Variants in EIF4H observed in about 807,000 individuals in gnomAD.
EIF4H encodes the protein eukaryotic translation initiation factor 4H, also known as Williams-Beuren syndrome chromosome region 1.
In EIF4H, 8 loss-of-function variants were observed where a neutral mutation model predicts 30.6. The ratio of observed to expected loss-of-function variants is 0.26; its 90% CI spans 0.15 to 0.47. The LOEUF (loss-of-function observed/expected upper bound fraction) is 0.47. Ranked by LOEUF, EIF4H falls within the 20% of genes least tolerant of loss-of-function variation. EIF4H has a pLI of 0.99. For missense variants in EIF4H, 188 were observed against 339.5 expected (o/e 0.55, Z 3.51); for synonymous variants, 106 against 122.7 (o/e 0.86, Z 0.90).
At chr7:74,174,843 C>T (rs782409098) in intron 1 of EIF4H, among the ~76,000 whole-genome samples, 1 of 152,260 alleles carries the variant, frequency 6.6e-6, no homozygotes, top group Admixed American at 6.5e-5. Flanking sequence ...GTCCCGGCCT[C>T]TTTCGCGGCC....
At chr7:74,174,886 C>T (rs1286196417) in intron 1 of EIF4H, among the ~76,000 whole-genome samples, 1 of 152,264 alleles carries the variant, frequency 6.6e-6, no homozygotes, top group East Asian at 1.9e-4. Context: ...AGGCCCCTGG[C>T]CCCTTCGCCA....
rs782408433 is a variant in EIF4H, at chr7:74,187,686, C to T, written c.135C>T (p.Tyr45=). The change falls in exon 2 of 7, where the codon TAC becomes TAT. Residue 45 remains tyrosine (Y), a synonymous_variant. Transcript: ENST00000265753. ...CCACAGAGCCCCCCTACACAGCATA[C>T]GTAGGAAATCTACCTTTCAATACGG... ...ELPTEPPYTA[Y]VGNLPFNTVQ... 47 of 1,613,590 alleles carry T rather than the reference C, an allele frequency of 2.9e-5. No individual in the cohort carries two copies. In the Admixed American group the frequency reaches 4.3e-4, roughly 15 times the overall value.
rs1800786962 is a variant in EIF4H at position 74,174,405 on chromosome 7, G to A, written c.22G>A (p.Asp8Asn). ...GCAAATGGCGGACTTCGACACCTACGACGATCGGGCCTACAGCAGCTTCGG... is the reference window on the plus strand; with the variant it reads ...GCAAATGGCGGACTTCGACACCTACAACGATCGGGCCTACAGCAGCTTCGG... MADFDTY[D>N]DRAYSSFGGG... The change falls in exon 1 of 7, where the codon GAC (aspartate) becomes AAC (asparagine). Residue 8 changes from aspartate (D) to asparagine (N), a missense_variant. Asp to Asn is a conservative substitution (Grantham distance 23, BLOSUM62 1). This residue lies in a region of EIF4H where 43 missense variants were observed against 43.4 expected (regional missense o/e 0.99). Coordinates refer to ENST00000265753, the MANE Select transcript of EIF4H (RefSeq NM_022170.2). 7 of 1,462,604 alleles carry A rather than the reference G, an allele frequency of 4.8e-6. No homozygotes were observed. Among genetic ancestry groups the A allele is most frequent in the South Asian group, 1.4e-5 (1 of 73,790 alleles). 90.6% of individuals were successfully genotyped at this position (1,462,604 alleles called of 1,614,324 possible). A position where few individuals can be genotyped will look rare whatever the true frequency, so the allele number is the denominator to read the frequency against.
At chr7:74,174,495 G>T in intron 1 of EIF4H, 53 bp downstream of exon 1, 2 of 1,296,520 alleles carry the variant, frequency 1.5e-6, no homozygotes, top group Non-Finnish European at 2.0e-6. Flanking sequence ...GGCGGAGTCG[G>T]GGCCGTCAGG....
chr7:74,196,615 G>A lies in EIF4H; in HGVS notation c.*1307G>A, dbSNP rs1349024133. 2.6e-5 allele frequency: 4 copies of A among 151,846 alleles called. No homozygotes were observed. Among genetic ancestry groups the A allele is most frequent in the Admixed American group, 6.6e-5 (1 of 15,240 alleles). 9.4% of individuals were successfully genotyped at this position (151,846 alleles called of 1,614,324 possible). A position where few individuals can be genotyped will look rare whatever the true frequency, so the allele number is the denominator to read the frequency against. ...GTCCTATGGGGAGCAGTTTGGGGGC[G>A]GCCGGCAGCAGGAGCCTGGGAAAGA... On this transcript the variant is annotated 3_prime_UTR_variant, in exon 7 of 7. Transcript: ENST00000265753.
chr7:74,189,043 T>C (rs1174677821), intron 2 of EIF4H, among the ~76,000 whole-genome samples: 1 of 152,036 alleles, frequency 6.6e-6, no homozygotes, highest in Non-Finnish European at 1.5e-5. Flanking sequence ...ATGCAGGGTG[T>C]AGTGCCAGCA....
chr7:74,196,480 C>G lies in EIF4H; in HGVS notation c.*1172C>G, dbSNP rs1490539560. 25 of 152,592 alleles carry G rather than the reference C, an allele frequency of 1.6e-4. No homozygotes were observed. Among genetic ancestry groups the G allele is most frequent in the African/African-American group, 6.0e-4 (25 of 41,456 alleles). The allele number at this position is 152,592 out of a possible 1,614,324, so 9.5% of individuals were successfully genotyped here. A position where few individuals can be genotyped will look rare whatever the true frequency, so the allele number is the denominator to read the frequency against. On this transcript the variant is annotated 3_prime_UTR_variant, in exon 7 of 7. Transcript: ENST00000265753. Reference sequence around the variant, plus strand: ...CATCTTGGGGACACACTGGACTGTTCCCATGTGCAGGGTTCAGCAGTTATG... The same window carrying G: ...CATCTTGGGGACACACTGGACTGTTGCCATGTGCAGGGTTCAGCAGTTATG...
intron 5 of EIF4H, among the ~76,000 whole-genome samples, chr7:74,192,164 G>T (rs1275779002): frequency 4.6e-5 from 7 of 152,194 alleles, no homozygotes; most frequent in African/African-American, 1.7e-4. Flanking sequence ...GACATTGGTG[G>T]TCGAAATCAT....
At chr7:74,189,955 T>C in intron 4 of EIF4H, 37 bp downstream of exon 4, 2 of 1,607,646 alleles carry the variant, frequency 1.2e-6, no homozygotes, top group South Asian at 2.2e-5. Context: ...TCATAAAGAT[T>C]TGCAGTATGC....
intron 1 of EIF4H, among the ~76,000 whole-genome samples, chr7:74,175,310 T>C (rs527425949): frequency 1.3e-5 from 2 of 152,232 alleles, no homozygotes; most frequent in Non-Finnish European, 2.9e-5. Context: ...GTTGCCTCGT[T>C]AGAATATAGG....
At chr7:74,176,826 A>G (rs943068386) in intron 1 of EIF4H, among the ~76,000 whole-genome samples, 1 of 152,222 alleles carries the variant, frequency 6.6e-6, no homozygotes, top group Non-Finnish European at 1.5e-5. Context: ...AAAATTCCAA[A>G]TGATCAAGAG....
At position 74,189,871 on chromosome 7, in the gene EIF4H, A is replaced by G; in HGVS notation, c.362A>G (p.Gln121Arg). 6.2e-7 allele frequency: 1 copy of G among 1,614,252 alleles called. No individual in the cohort carries two copies. Among genetic ancestry groups the G allele is most frequent in the African/African-American group, 1.3e-5 (1 of 75,074 alleles). ...LRVDIAEGRK[Q>R]DKGGFGFRKG... Reference sequence around the variant, plus strand: ...GTGGACATTGCAGAAGGCAGAAAACAAGATAAAGGTGGCTTTGGATTCAGA... The same window carrying G: ...GTGGACATTGCAGAAGGCAGAAAACGAGATAAAGGTGGCTTTGGATTCAGA... Residue 121 changes from glutamine (Q) to arginine (R), a missense_variant, in exon 4 of 7, where the codon CAA becomes CGA. This residue lies in a region of EIF4H where 52 missense variants were observed against 143.9 expected (regional missense o/e 0.36). Coordinates refer to ENST00000265753, the MANE Select transcript of EIF4H (RefSeq NM_022170.2).
At chr7:74,183,620 T>G (rs1801014131) in intron 1 of EIF4H, among the ~76,000 whole-genome samples, 1 of 152,206 alleles carries the variant, frequency 6.6e-6, no homozygotes, top group Non-Finnish European at 1.5e-5. Flanking sequence ...AAACACAGCT[T>G]ATTTATTTAG....
intron 5 of EIF4H, among the ~76,000 whole-genome samples, chr7:74,191,814 C>T (rs1482089996): frequency 6.6e-6 from 1 of 152,018 alleles, no homozygotes; most frequent in Non-Finnish European, 1.5e-5. Context: ...GAGTCTTGCT[C>T]TGTTGCCCAG....
chr7:74,188,090 G>A (rs1801128290), intron 2 of EIF4H, among the ~76,000 whole-genome samples: 1 of 152,184 alleles, frequency 6.6e-6, no homozygotes, highest in Non-Finnish European at 1.5e-5. Flanking sequence ...GAGTTCCCCA[G>A]GAGAGAGAGG....
chr7:74,190,906 A>G (rs1383465186), intron 5 of EIF4H, among the ~76,000 whole-genome samples: 2 of 152,190 alleles, frequency 1.3e-5, no homozygotes, highest in African/African-American at 2.4e-5. Flanking sequence ...TAAATTACAA[A>G]AGTATAATTT....
At position 74,196,812 on chromosome 7, in the gene EIF4H, C is replaced by T. The variant is rs1554710834; in HGVS notation, c.*1504C>T. On this transcript the variant is annotated 3_prime_UTR_variant, in exon 7 of 7. Coordinates refer to ENST00000265753, the MANE Select transcript of EIF4H (RefSeq NM_022170.2). ...CTTCCACCTGTCAGCTTCTCTGCTT[C>T]TGAGATAAGAACCATTTGTGTAACA... The T allele has an allele frequency of 6.6e-6, 1 of 151,898 alleles. No individual in the cohort carries two copies. The highest frequency in any genetic ancestry group is 2.4e-5 in the African/African-American group (1 of 41,316). The allele number at this position is 151,898 out of a possible 1,614,324, so 9.4% of individuals were successfully genotyped here.
chr7:74,174,373 G>A lies in EIF4H; in HGVS notation c.-11G>A, dbSNP rs781804607. The A allele has an allele frequency of 4.8e-6, 7 of 1,453,236 alleles. No individual in the cohort carries two copies. The Admixed American group carries it at 1.0e-4, about 22-fold the overall frequency. The allele number at this position is 1,453,236 out of a possible 1,614,324, so 90.0% of individuals were successfully genotyped here. A position where few individuals can be genotyped will look rare whatever the true frequency, so the allele number is the denominator to read the frequency against. On this transcript the variant is annotated 5_prime_UTR_variant, in exon 1 of 7. Transcript: ENST00000265753. ...CGCTCACCCTGGTTCCTCTCGGAGC[G>A]GAGACGGCAAATGGCGGACTTCGAC...
At chr7:74,185,924 A>T (rs1801069857) in intron 1 of EIF4H, among the ~76,000 whole-genome samples, 1 of 151,628 alleles carries the variant, frequency 6.6e-6, no homozygotes, top group Non-Finnish European at 1.5e-5. Context: ...AAAAAAAATC[A>T]CCCCCTTAAT....
Sources: allele counts gnomAD v4.1 joint callset (sites outside exome capture counted in the v4.1 genomes callset), GRCh38; gene constraint gnomAD v4.1.1; regional missense constraint gnomAD v4.1.1; transcripts MANE v1.5; gene names NCBI Gene and HGNC (gene_info 2026-07-23, HGNC 2026-07-21).